Variants in MYO7A observed in about 807,000 individuals in gnomAD.
The protein encoded by MYO7A is myosin VIIA, also known as unconventional myosin-VIIa.
A neutral mutation model predicts 263.8 loss-of-function variants in MYO7A; 210 were observed. The observed-to-expected ratio is 0.80, with a 90% CI of 0.71 to 0.89. MYO7A has a LOEUF of 0.89. Among genes scored for constraint, MYO7A ranks in the 40% least tolerant of loss-of-function variants. MYO7A has a pLI of 0.00. For missense variants in MYO7A, 2,820 were observed against 2,968.3 expected (o/e 0.95, Z 1.16); for synonymous variants, 1,239 against 1,197.3 (o/e 1.03, Z -0.72).
At chr11:77,182,253 T>A in intron 24 of MYO7A, 99 bp downstream of exon 24, 3 of 1,501,506 alleles carry the variant, frequency 2.0e-6, no homozygotes. Flanking sequence ...GGGTGGTGGG[T>A]CCCTGGGGGC....
chr11:77,130,788 A>T, intron 2 of MYO7A, 136 bp downstream of exon 2: 1 of 964,394 alleles, frequency 1.0e-6, no homozygotes, highest in South Asian at 1.5e-5. Context: ...CCAGCCCTCC[A>T]GGCTGAGGCC....
rs545870983 is a variant in MYO7A, at chr11:77,204,706, C to T, written c.5480+477C>T. The stretch of plus-strand genomic sequence containing the variant: ...CCCAAGACAGGAGTAGAAAGTCAGG[C>T]ACAGGCTCCTCTCAGAGTCTGAGAG... On this transcript the variant is annotated intron_variant, in intron 39 of 48. Transcript: ENST00000409709. Among the ~76,000 whole-genome samples, 7 of 152,308 alleles carry T rather than the reference C, an allele frequency of 4.6e-5. No homozygotes were observed. In the East Asian group the frequency reaches 7.7e-4, roughly 17 times the overall value.
chr11:77,204,619 C>T (rs139647433), intron 39 of MYO7A, among the ~76,000 whole-genome samples: 2,145 of 152,318 alleles, frequency 0.014, 54 homozygotes, highest in African/African-American at 0.048. Context: ...TGAAAACTCT[C>T]ATGGGTTTGA....
Position 77,197,539 on chromosome 11 carries a change from A to T in MYO7A, c.4382A>T (p.Tyr1461Phe), listed in dbSNP as rs2135658218. ...AAGGTCAAAGAGGATGTGGTCAGTT[A>T]TGCCCGCTTCAAGTGGCCCTTGCTC... ...AQKVKEDVVS[Y>F]ARFKWPLLFS... Residue 1461 changes from tyrosine to phenylalanine, a missense_variant, in exon 33 of 49, where the codon TAT becomes TTT. Tyr to Phe is a conservative substitution (Grantham distance 22, BLOSUM62 3). Transcript: ENST00000409709. 1 of 1,608,774 alleles carries T rather than the reference A, an allele frequency of 6.2e-7. No homozygotes were observed. The highest frequency in any genetic ancestry group is 2.2e-5 in the East Asian group (1 of 44,788).
intron 4 of MYO7A, among the ~76,000 whole-genome samples, chr11:77,152,226 T>G (rs561423894): frequency 6.6e-6 from 1 of 152,360 alleles, no homozygotes; most frequent in East Asian, 1.9e-4. Context: ...AAAAAATTAT[T>G]CATTTTTTTC....
At chr11:77,195,806 CAA>C (rs1956613857) in intron 32 of MYO7A, among the ~76,000 whole-genome samples, 1 of 152,232 alleles carries the variant, frequency 6.6e-6, no homozygotes, top group Admixed American at 6.5e-5. Context: ...TCTGCCATAA[CAA>C]AGTGCCACAG....
rs186625120 is a variant in MYO7A at position 77,166,309 on chromosome 11, G to A, written c.1797+147G>A. The A allele has an allele frequency of 1.0e-4, 71 of 699,310 alleles. No individual in the cohort carries two copies. In the African/African-American group the frequency reaches 1.1e-3, roughly 11 times the overall value. The allele number at this position is 699,310 out of a possible 1,614,324, so 43.3% of individuals were successfully genotyped here. A position where few individuals can be genotyped will look rare whatever the true frequency, so the allele number is the denominator to read the frequency against. ...TTGCTGTGGCTCCAGGAGGGGCCTGGAGGGGCCTCAAAGGTGTTCCCATCT... is the reference window on the plus strand; with the variant it reads ...TTGCTGTGGCTCCAGGAGGGGCCTGAAGGGGCCTCAAAGGTGTTCCCATCT... On this transcript the variant is annotated intron_variant, in intron 15 of 48. Transcript: ENST00000409709.
At chr11:77,158,498 C>G in intron 9 of MYO7A, 68 bp downstream of exon 9, 1 of 1,528,624 alleles carries the variant, frequency 6.5e-7, no homozygotes, top group Non-Finnish European at 8.8e-7. Flanking sequence ...TTGCTGCCCA[C>G]GTGGTATTGG....
intron 40 of MYO7A, 120 bp downstream of exon 40, chr11:77,205,737 C>T: frequency 7.6e-7 from 1 of 1,322,222 alleles, no homozygotes; most frequent in Middle Eastern, 2.1e-4. Flanking sequence ...CCCTGGGGTA[C>T]CTCAACTGCC....
intron 12 of MYO7A, 22 bp downstream of exon 12, chr11:77,161,137 A>G (rs370622500): frequency 2.0e-5 from 32 of 1,612,228 alleles, no homozygotes; most frequent in East Asian, 1.8e-4. Flanking sequence ...GGCTCTGCTC[A>G]TGGGAATTTC....
At chr11:77,178,034 G>A (rs12577724) in intron 19 of MYO7A, among the ~76,000 whole-genome samples, 88,184 of 151,570 alleles carry the variant, frequency 0.58, 26,105 homozygotes, top group African/African-American at 0.67. Flanking sequence ...ATGTGTACAC[G>A]TGACAATTCA....
At position 77,213,092 on chromosome 11, in the gene MYO7A, C is replaced by T. The variant is rs80099786; in HGVS notation, c.6438+57C>T. 2,537 of 1,378,022 alleles carry T rather than the reference C, an allele frequency of 1.8e-3. 34 individuals are homozygous for T. In the African/African-American group the frequency reaches 0.031, roughly 17 times the overall value. 85.4% of individuals were successfully genotyped at this position (1,378,022 alleles called of 1,614,324 possible). On this transcript the variant is annotated intron_variant, in intron 47 of 48. Coordinates refer to ENST00000409709, the MANE Select transcript of MYO7A (RefSeq NM_000260.4). ...GGCTTCTCTGCCTGAACCACAGACACGGTCCCAGAACGAACCCCACAAGCC... is the reference window on the plus strand; with the variant it reads ...GGCTTCTCTGCCTGAACCACAGACATGGTCCCAGAACGAACCCCACAAGCC...
At chr11:77,196,305 G>T (rs112063934) in intron 32 of MYO7A, among the ~76,000 whole-genome samples, 116 of 151,632 alleles carry the variant, frequency 7.7e-4, no homozygotes, top group African/African-American at 2.7e-3. Flanking sequence ...GGCGGAGGTT[G>T]CAGTGAGCCA....
At chr11:77,139,503 C>T (rs1951077588) in intron 2 of MYO7A, 1 of 151,698 alleles carries the variant, frequency 6.6e-6, no homozygotes, top group Admixed American at 6.6e-5. Context: ...CAAGGCGCCC[C>T]ATACAGTGTG....
At chr11:77,154,914 C>T (rs1332216123) in intron 4 of MYO7A, among the ~76,000 whole-genome samples, 2 of 152,124 alleles carry the variant, frequency 1.3e-5, no homozygotes, top group Admixed American at 1.3e-4. Flanking sequence ...TGCGTGGCCA[C>T]AGTAGGCTGA....
intron 2 of MYO7A, among the ~76,000 whole-genome samples, chr11:77,133,658 T>TTTTTGTTTTG (rs113528095): frequency 6.6e-6 from 1 of 152,042 alleles, no homozygotes; most frequent in Non-Finnish European, 1.5e-5. Context: ...ATGTGGTTGG[T>TTTTTGTTTTG]TTTTGTTTTG....
intron 30 of MYO7A, 57 bp from the exon 31 acceptor site, chr11:77,191,994 G>T: frequency 6.7e-7 from 1 of 1,488,286 alleles, no homozygotes; most frequent in Non-Finnish European, 9.2e-7. Context: ...CCCCGTTGAG[G>T]CTCCTCATAG....
intron 16 of MYO7A, among the ~76,000 whole-genome samples, chr11:77,174,130 C>T (rs1195447612): frequency 6.6e-6 from 1 of 152,148 alleles, no homozygotes; most frequent in Non-Finnish European, 1.5e-5. Flanking sequence ...GGATGAGGCC[C>T]TCACAGAGCC....
intron 15 of MYO7A, among the ~76,000 whole-genome samples, chr11:77,171,140 G>A (rs1236049046): frequency 6.6e-6 from 1 of 152,260 alleles, no homozygotes; most frequent in African/African-American, 2.4e-5. Flanking sequence ...GTTTTATTGT[G>A]ATGACCAAGA....
Sources: gnomAD v4.1 joint callset for allele counts (sites outside exome capture counted in the v4.1 genomes callset) on GRCh38, gnomAD v4.1.1 for gene constraint, MANE v1.5 for transcripts, NCBI Gene and HGNC (gene_info 2026-07-23, HGNC 2026-07-21) for gene names.